DENND1A: variants seen among roughly 807,000 people sequenced by gnomAD.
The protein encoded by DENND1A is DENN domain-containing protein 1A.
In DENND1A, 51 loss-of-function variants were observed where a neutral mutation model predicts 113.7. That is an observed-to-expected ratio of 0.45 (90% CI 0.36 to 0.57). DENND1A has a LOEUF of 0.57. DENND1A is among the 20% of genes least tolerant of loss of function. DENND1A has a pLI of 0.00. For synonymous variants in DENND1A, 565 were observed against 570.8 expected, an observed-to-expected ratio of 0.99 and a Z score of 0.14; for missense variants, 1,258 against 1,395.9, an observed-to-expected ratio of 0.90 and a Z score of 1.57.
intron 2 of DENND1A, among the ~76,000 whole-genome samples, chr9:123,822,487 T>C (rs891918169): frequency 2.6e-5 from 4 of 152,196 alleles, no homozygotes; most frequent in Non-Finnish European, 4.4e-5. Flanking sequence ...TGTAGATGCA[T>C]TTACGACTAA....
At chr9:123,616,184 C>T (rs1433688490) in intron 10 of DENND1A, among the ~76,000 whole-genome samples, 1 of 152,222 alleles carries the variant, frequency 6.6e-6, no homozygotes, top group African/African-American at 2.4e-5. Context: ...CCTGCCTCGG[C>T]CTTCCAAAGT....
intron 1 of DENND1A, among the ~76,000 whole-genome samples, chr9:123,925,760 T>C (rs1856983349): frequency 6.6e-6 from 1 of 152,138 alleles, no homozygotes; most frequent in African/African-American, 2.4e-5. Flanking sequence ...AGGTCACAGT[T>C]TGACAGGGAC....
At chr9:123,614,491 C>G (rs533459870) in intron 10 of DENND1A, among the ~76,000 whole-genome samples, 1 of 152,166 alleles carries the variant, frequency 6.6e-6, no homozygotes, top group African/African-American at 2.4e-5. Flanking sequence ...TGTTTAATTC[C>G]TTTCCCCCAG....
chr9:123,901,879 G>T, intron 1 of DENND1A, among the ~76,000 whole-genome samples: 1 of 152,172 alleles, frequency 6.6e-6, no homozygotes, highest in Non-Finnish European at 1.5e-5. Context: ...GGTGGTGGGC[G>T]CCTGTAGTCC....
At position 123,497,131 on chromosome 9, in the gene DENND1A, C is replaced by A. The variant is rs543054769; in HGVS notation, c.994-39234G>T. On this transcript the variant is annotated intron_variant, in intron 13 of 23. Coordinates refer to ENST00000394215, the MANE Select transcript of DENND1A (RefSeq NM_001352964.2). ...GATGTCTTCTGTGGGGCTCCACAGT[C>A]CCCATCAGGGCAGCACGGACCACGT... 7.3e-4 allele frequency among the ~76,000 whole-genome samples: 111 copies of A among 152,284 alleles called. 4 individuals carry two copies. Among genetic ancestry groups the A allele is most frequent in the Admixed American group, 6.7e-3 (103 of 15,304 alleles).
At chr9:123,414,652 C>T in intron 19 of DENND1A, 3 of 1,531,668 alleles carry the variant, frequency 2.0e-6, no homozygotes, top group Non-Finnish European at 2.6e-6. Context: ...CAGGCAAAAA[C>T]CTATTAACTC....
At chr9:123,547,398 G>A (rs373344923) in intron 13 of DENND1A, among the ~76,000 whole-genome samples, 50 of 152,226 alleles carry the variant, frequency 3.3e-4, no homozygotes, top group African/African-American at 1.1e-3. Flanking sequence ...GCATGGTGGC[G>A]CATGCCTGTA....
chr9:123,733,967 CTT>C (rs955562615), intron 5 of DENND1A, among the ~76,000 whole-genome samples: 2 of 151,748 alleles, frequency 1.3e-5, no homozygotes, highest in Admixed American at 1.3e-4. Flanking sequence ...TGCCAGGCCT[CTT>C]GTTTGCTTCT....
At chr9:123,607,516 CACACAG>C (rs1362287419) in intron 11 of DENND1A, among the ~76,000 whole-genome samples, 129 of 80,330 alleles carry the variant, frequency 1.6e-3, no homozygotes, top group African/African-American at 5.2e-3. Context: ...CACACACACA[CACACAG>C]AGAGAGAGAG....
rs1352503377 is a variant in DENND1A at position 123,607,518 on chromosome 9, CACAGAGAGAG to C, written c.765+1908_765+1917del. ...ACACACACACACACACACACACACA[CACAGAGAGAG>C]AGAGAGAGAGAGAGAGAGAGTGTGT... On this transcript the variant is annotated intron_variant, in intron 11 of 23. Transcript: ENST00000394215. Among the ~76,000 whole-genome samples the C allele has an allele frequency of 1.3e-4, 10 of 77,732 alleles. No individual in the cohort carries two copies. In the East Asian group the frequency reaches 1.6e-3, roughly 12 times the overall value. 51.0% of individuals were successfully genotyped at this position (77,732 alleles called of 152,430 possible).
chr9:123,787,189 C>A (rs991028195), intron 3 of DENND1A, among the ~76,000 whole-genome samples: 1 of 151,998 alleles, frequency 6.6e-6, no homozygotes, highest in African/African-American at 2.4e-5. Context: ...CAAAATTTAT[C>A]ATTTGTTTTA....
intron 13 of DENND1A, among the ~76,000 whole-genome samples, chr9:123,480,188 G>A (rs764585842): frequency 1.8e-4 from 27 of 152,114 alleles, no homozygotes; most frequent in Non-Finnish European, 3.1e-4. Flanking sequence ...CCTGGACAGC[G>A]GCAATTGCCT....
intron 2 of DENND1A, among the ~76,000 whole-genome samples, chr9:123,811,226 G>A (rs1180832855): frequency 6.6e-6 from 1 of 152,174 alleles, no homozygotes; most frequent in East Asian, 1.9e-4. Flanking sequence ...AAAAAGGGAT[G>A]CAAATAGGTG....
intron 5 of DENND1A, among the ~76,000 whole-genome samples, chr9:123,745,618 C>G (rs2069427916): frequency 6.6e-6 from 1 of 152,230 alleles, no homozygotes; most frequent in South Asian, 2.1e-4. Flanking sequence ...TATGACACAA[C>G]TATTCAACTC....
intron 10 of DENND1A, among the ~76,000 whole-genome samples, chr9:123,622,348 T>C (rs1192116313): frequency 1.3e-5 from 2 of 152,212 alleles, no homozygotes; most frequent in African/African-American, 4.8e-5. Context: ...GGACTACTTC[T>C]GAAGGAGGAA....
intron 13 of DENND1A, among the ~76,000 whole-genome samples, chr9:123,509,137 T>C (rs2053227279): frequency 6.6e-6 from 1 of 152,130 alleles, no homozygotes; most frequent in South Asian, 2.1e-4. Context: ...GCTCACATGA[T>C]CATCCTCACA....
intron 1 of DENND1A, among the ~76,000 whole-genome samples, chr9:123,911,238 C>T (rs1459884243): frequency 6.6e-6 from 1 of 152,134 alleles, no homozygotes; most frequent in Non-Finnish European, 1.5e-5. Flanking sequence ...GAAAACATGA[C>T]ATTAATGGCT....
chr9:123,706,194 A>T (rs2066189351), intron 5 of DENND1A, among the ~76,000 whole-genome samples: 1 of 143,212 alleles, frequency 7.0e-6, no homozygotes, highest in Non-Finnish European at 1.5e-5. Flanking sequence ...CCCAGGCCGG[A>T]CTGCGGACTG....
At chr9:123,815,514 GCCC>G (rs1467276298) in intron 2 of DENND1A, among the ~76,000 whole-genome samples, 1 of 152,062 alleles carries the variant, frequency 6.6e-6, no homozygotes, top group Non-Finnish European at 1.5e-5. Context: ...CTTCTAATAA[GCCC>G]CCTTCAAAAA....
Sources: allele counts gnomAD v4.1 joint callset (sites outside exome capture counted in the v4.1 genomes callset), GRCh38; gene constraint gnomAD v4.1.1; transcripts MANE v1.5; gene names NCBI Gene and HGNC (gene_info 2026-07-23, HGNC 2026-07-21).